The following SYT6 variants were observed in gnomAD, a reference collection of about 807,000 sequenced individuals.
SYT6 encodes the protein synaptotagmin-6.
SYT6 carries 24 observed loss-of-function variants against 38.4 expected under a neutral mutation model. That is an observed-to-expected ratio of 0.62 (90% confidence interval 0.45 to 0.88). The LOEUF (loss-of-function observed/expected upper bound fraction) is 0.88. Ranked by LOEUF, SYT6 falls within the 40% of genes least tolerant of loss-of-function variation. The probability of loss-of-function intolerance (pLI) is 0.00; values close to 1 mark genes in which losing one functional copy is unlikely to be tolerated. For missense variants in SYT6, 611 were observed against 621.0 expected, an observed-to-expected ratio of 0.98 and a Z score of 0.17; for synonymous variants, 265 against 241.9, an observed-to-expected ratio of 1.10 and a Z score of -0.89.
At chr1:114,108,328 A>T (rs1676454192) in intron 3 of SYT6, among the ~76,000 whole-genome samples, 1 of 152,196 alleles carries the variant, frequency 6.6e-6, no homozygotes, top group African/African-American at 2.4e-5. Context: ...TGATTAAAGC[A>T]CTTCTCTCTA....
At position 114,097,799 on chromosome 1, in the gene SYT6, C is replaced by G; in HGVS notation, c.1443G>C (p.Glu481Asp). 1 of 1,614,226 alleles carries G rather than the reference C, an allele frequency of 6.2e-7. No homozygotes were observed. Among genetic ancestry groups the G allele is most frequent in the Non-Finnish European group, 8.5e-7 (1 of 1,180,042 alleles). ...AEGLGRDHWN[E>D]MLAYPRKPIA... ...TGGGCTTCCGGGGGTATGCCAGCAT[C>G]TCGTTCCAGTGGTCCCTGCCCAGGC... Residue 481 changes from glutamate to aspartate, a missense_variant, in exon 6 of 8, where the codon GAG becomes GAC. Glu to Asp is a conservative substitution (Grantham distance 45, BLOSUM62 2). Transcript: ENST00000610222.
chr1:114,123,413 G>C (rs1163509340), intron 3 of SYT6, among the ~76,000 whole-genome samples: 1 of 152,172 alleles, frequency 6.6e-6, no homozygotes, highest in Non-Finnish European at 1.5e-5. Flanking sequence ...GGCCAGTGCT[G>C]TTCCCATGCA....
intron 3 of SYT6, among the ~76,000 whole-genome samples, chr1:114,125,765 G>A (rs1487788297): frequency 6.6e-6 from 1 of 152,174 alleles, no homozygotes; most frequent in Non-Finnish European, 1.5e-5. Flanking sequence ...ACCATGGGGA[G>A]ATTTTGGGTG....
At chr1:114,100,213 G>A (rs1557731963) in intron 4 of SYT6, among the ~76,000 whole-genome samples, 1 of 152,136 alleles carries the variant, frequency 6.6e-6, no homozygotes, top group East Asian at 1.9e-4. Context: ...TGTTATTTAT[G>A]CTGCACAGCT....
At chr1:114,098,009 G>A in intron 5 of SYT6, 132 bp from the exon 6 acceptor site, 2 of 1,045,816 alleles carry the variant, frequency 1.9e-6, no homozygotes, top group Non-Finnish European at 2.7e-6. Context: ...ACAGATGCTT[G>A]GCAGGGCTTC....
intron 3 of SYT6, among the ~76,000 whole-genome samples, chr1:114,129,559 CTTTCT>C (rs201971612): frequency 2.4e-4 from 33 of 139,206 alleles, no homozygotes; most frequent in East Asian, 6.4e-4. Flanking sequence ...GTCTTTTTTT[CTTTCT>C]TTTCTTTCTT....
intron 1 of SYT6, among the ~76,000 whole-genome samples, chr1:114,144,322 A>G (rs761034614): frequency 6.6e-6 from 1 of 152,150 alleles, no homozygotes; most frequent in Admixed American, 6.5e-5. Context: ...AAATCTTACT[A>G]TTTAAGGTAA....
chr1:114,136,960 C>T (rs1438116820), intron 3 of SYT6, among the ~76,000 whole-genome samples: 2 of 152,126 alleles, frequency 1.3e-5, no homozygotes, highest in Non-Finnish European at 2.9e-5. Context: ...CGTGATTTGC[C>T]ACTTCCTCTT....
In SYT6 at chr1:114,103,604, A is replaced by G. The variant is rs1435715187; in HGVS notation, c.1189T>C (p.Ser397Pro). Reference sequence around the variant, plus strand: ...CCACTTGGGTTAAGAGAGGTACCTGAATAGCCTGTGATGTCCATCGCCTTG... The same window carrying G: ...CCACTTGGGTTAAGAGAGGTACCTGGATAGCCTGTGATGTCCATCGCCTTG... The part of the protein sequence containing the change: ...NLKAMDITGY[S>P]DPYVKVSLLC... The change falls in exon 4 of 8, where the codon TCA (serine) becomes CCA (proline). Residue 397 changes from serine (S) to proline (P), a missense_variant. Ser to Pro is a moderately conservative substitution (Grantham distance 74). Coordinates refer to ENST00000610222, the MANE Select transcript of SYT6 (RefSeq NM_001253772.2). The G allele has an allele frequency of 3.1e-6, 5 of 1,614,042 alleles. No individual in the cohort carries two copies. The highest frequency in any genetic ancestry group is 1.7e-5 in the Admixed American group (1 of 60,004).
At chr1:114,123,398 C>A (rs1462656798) in intron 3 of SYT6, among the ~76,000 whole-genome samples, 3 of 152,168 alleles carry the variant, frequency 2.0e-5, no homozygotes, top group Admixed American at 6.5e-5. Context: ...TGGGAAAGAG[C>A]CCCAGGCCAG....
intron 3 of SYT6, among the ~76,000 whole-genome samples, chr1:114,136,385 C>T (rs989004448): frequency 6.6e-6 from 1 of 152,218 alleles, no homozygotes; most frequent in South Asian, 2.1e-4. Flanking sequence ...CCTGTTAGCA[C>T]TCAAGAGAGC....
chr1:114,095,119 G>T (rs1312473173), intron 6 of SYT6, among the ~76,000 whole-genome samples: 1 of 152,208 alleles, frequency 6.6e-6, no homozygotes, highest in Non-Finnish European at 1.5e-5. Flanking sequence ...AGGATCGTGC[G>T]TGGGGGAGGG....
Position 114,122,506 on chromosome 1 carries a change from T to TGTGTGTGTGTGTGTGTGCGCGC in SYT6, c.1071+14988_1071+14989insGCGCGCACACACACACACACAC, listed in dbSNP as rs60780339. On this transcript the variant is annotated intron_variant, in intron 3 of 7. Coordinates refer to ENST00000610222, the MANE Select transcript of SYT6 (RefSeq NM_001253772.2). The stretch of plus-strand genomic sequence containing the variant: ...TTGTGTGTGTGTGTGTGTGTGTGTG[T>TGTGTGTGTGTGTGTGTGCGCGC]GCGCGCACATGAGCATATGCACACA... 9.1e-3 allele frequency among the ~76,000 whole-genome samples: 1,346 copies of TGTGTGTGTGTGTGTGTGCGCGC among 147,350 alleles called. 10 individuals are homozygous for TGTGTGTGTGTGTGTGTGCGCGC. Among genetic ancestry groups the TGTGTGTGTGTGTGTGTGCGCGC allele is most frequent in the South Asian group, 0.015 (69 of 4,598 alleles).
chr1:114,109,284 G>C (rs1676528736), intron 3 of SYT6, among the ~76,000 whole-genome samples: 1 of 152,204 alleles, frequency 6.6e-6, no homozygotes. Flanking sequence ...GCTCTTTGAA[G>C]GCACGAATGG....
intron 3 of SYT6, among the ~76,000 whole-genome samples, chr1:114,136,265 G>A (rs748229505): frequency 1.1e-4 from 17 of 152,194 alleles, no homozygotes; most frequent in African/African-American, 3.4e-4. Context: ...CTCTTCACAG[G>A]CTCAACACAG....
At chr1:114,137,213 A>T (rs1678531085) in intron 3 of SYT6, among the ~76,000 whole-genome samples, 1 of 152,272 alleles carries the variant, frequency 6.6e-6, no homozygotes, top group Non-Finnish European at 1.5e-5. Context: ...TCTAATGCAC[A>T]TCAGTACTCT....
intron 6 of SYT6, 60 bp downstream of exon 6, chr1:114,097,667 C>G (rs1003084848): frequency 7.6e-6 from 12 of 1,586,988 alleles, no homozygotes; most frequent in Non-Finnish European, 1.0e-5. Flanking sequence ...AGCTGACTGC[C>G]ATTCTCCAGC....
intron 1 of SYT6, among the ~76,000 whole-genome samples, chr1:114,151,624 T>A (rs1316445775): frequency 6.6e-6 from 1 of 152,166 alleles, no homozygotes; most frequent in African/African-American, 2.4e-5. Flanking sequence ...CCATCCCAGA[T>A]GGAACTCCAC....
At chr1:114,146,139 C>A (rs1234890238) in intron 1 of SYT6, among the ~76,000 whole-genome samples, 2 of 152,160 alleles carry the variant, frequency 1.3e-5, no homozygotes, top group Non-Finnish European at 2.9e-5. Context: ...GCAGGCAGTG[C>A]AAGGAGAATT....
Sources: allele counts gnomAD v4.1 joint callset (sites outside exome capture counted in the v4.1 genomes callset), GRCh38; gene constraint gnomAD v4.1.1; transcripts MANE v1.5; gene names NCBI Gene and HGNC (gene_info 2026-07-23, HGNC 2026-07-21).